The following MDM4 variants were observed in gnomAD, a reference collection of about 807,000 sequenced individuals.
MDM4 encodes protein Mdm4.
A neutral mutation model predicts 60.2 loss-of-function variants in MDM4; 2 were observed. The ratio of observed to expected loss-of-function variants is 0.03; its 90% CI spans 0.01 to 0.10. The LOEUF (loss-of-function observed/expected upper bound fraction) is 0.10. Ranked by LOEUF, MDM4 falls within the 10% of genes least tolerant of loss-of-function variation. MDM4 has a pLI of 1.00. For missense variants in MDM4, 447 were observed against 577.5 expected (o/e 0.77, Z 2.32); for synonymous variants, 202 against 198.1 (o/e 1.02, Z -0.17).
At chr1:204,544,294 T>C (rs1022503276) in intron 8 of MDM4, among the ~76,000 whole-genome samples, 2 of 152,260 alleles carry the variant, frequency 1.3e-5, no homozygotes, top group Admixed American at 1.3e-4. Context: ...TTAGGTGTTA[T>C]ACCTGATTTA....
chr1:204,527,041 T>A (rs954911079), intron 3 of MDM4, among the ~76,000 whole-genome samples: 1 of 151,430 alleles, frequency 6.6e-6, no homozygotes, highest in African/African-American at 2.4e-5. Flanking sequence ...ACGCCTGCAA[T>A]CCCAGTATTT....
At chr1:204,531,837 A>G (rs561201394) in intron 4 of MDM4, among the ~76,000 whole-genome samples, 2 of 152,222 alleles carry the variant, frequency 1.3e-5, no homozygotes, top group East Asian at 3.9e-4. Context: ...CGTCTCCAAA[A>G]AAAAAAGACT....
intron 1 of MDM4, among the ~76,000 whole-genome samples, chr1:204,518,971 G>A (rs563198287): frequency 2.0e-5 from 3 of 152,138 alleles, no homozygotes; most frequent in Non-Finnish European, 4.4e-5. Flanking sequence ...CTGGAATCTC[G>A]TGATGACTGT....
rs2102455684 is a variant in MDM4 at position 204,549,284 on chromosome 1, G to A, written c.1075G>A (p.Val359Ile). Residue 359 changes from valine (V) to isoleucine (I), a missense_variant, in exon 11 of 11, where the codon GTC becomes ATC. This residue lies in a region of MDM4 where 117 missense variants were observed against 114.5 expected (regional missense o/e 1.02). Transcript: ENST00000367182. ...TGAAAAGGAAAATGAAGGAAATGATGTCCCTGATTGTCGAAGAACCATTTC... is the reference window on the plus strand; with the variant it reads ...TGAAAAGGAAAATGAAGGAAATGATATCCCTGATTGTCGAAGAACCATTTC... ...IPEKENEGND[V>I]PDCRRTISAP... The A allele has an allele frequency of 4.3e-6, 7 of 1,614,170 alleles. No individual in the cohort carries two copies. The highest frequency in any genetic ancestry group is 1.1e-5 in the South Asian group (1 of 91,084).
At chr1:204,541,466 A>G (rs1308735214) in intron 7 of MDM4, among the ~76,000 whole-genome samples, 2 of 152,084 alleles carry the variant, frequency 1.3e-5, no homozygotes, top group East Asian at 1.9e-4. Flanking sequence ...CTGGGCAACA[A>G]AGTGGTGCCC....
At position 204,544,632 on chromosome 1, in the gene MDM4, C is replaced by T. The variant is rs1401673629; in HGVS notation, c.770C>T (p.Ala257Val). The T allele has an allele frequency of 2.5e-6, 4 of 1,613,600 alleles. No individual in the cohort carries two copies. Among genetic ancestry groups the T allele is most frequent in the Non-Finnish European group, 2.5e-6 (3 of 1,179,788 alleles). The change falls in exon 9 of 11, where the codon GCT (alanine) becomes GTT (valine). Residue 257 changes from alanine to valine, a missense_variant. This residue lies in a region of MDM4 where 184 missense variants were observed against 179.3 expected (regional missense o/e 1.03). Coordinates refer to ENST00000367182, the MANE Select transcript of MDM4 (RefSeq NM_002393.5). The stretch of plus-strand genomic sequence containing the variant: ...TTAGGTGTTGGAATAAAAGTTGAAG[C>T]TGCTGATACTGAACAAACAAGTGAA... Reference protein sequence around the residue: ...EQLGVGIKVEAADTEQTSEEV... With the variant: ...EQLGVGIKVEVADTEQTSEEV...
intron 1 of MDM4, among the ~76,000 whole-genome samples, chr1:204,521,952 T>A (rs1354947046): frequency 6.6e-6 from 1 of 152,098 alleles, no homozygotes; most frequent in East Asian, 1.9e-4. Flanking sequence ...GTTGGGAGTT[T>A]TAGTTTTAAA....
rs558792144 is a variant in MDM4, at chr1:204,544,401, G to T, written c.673-134G>T. The T allele has an allele frequency of 1.8e-5, 14 of 756,798 alleles. No individual in the cohort carries two copies. In the African/African-American group the frequency reaches 2.3e-4, roughly 12 times the overall value. The allele number at this position is 756,798 out of a possible 1,614,324, so 46.9% of individuals were successfully genotyped here. ...GTAGATATATGTTGAATGAATACAT[G>T]TCCACTGAATAAAGGCAAGATGTTC... On this transcript the variant is annotated intron_variant, in intron 8 of 10. Transcript: ENST00000367182.
At chr1:204,542,152 A>G (rs1662157726) in intron 7 of MDM4, among the ~76,000 whole-genome samples, 2 of 152,240 alleles carry the variant, frequency 1.3e-5, no homozygotes, top group Admixed American at 6.5e-5. Flanking sequence ...CCATTGATCC[A>G]GCGAGGGCAT....
intron 5 of MDM4, among the ~76,000 whole-genome samples, chr1:204,533,965 T>A (rs966087310): frequency 5.9e-5 from 9 of 152,014 alleles, no homozygotes; most frequent in Non-Finnish European, 1.3e-4. Flanking sequence ...TTTTGTTTTT[T>A]TGTAGAAATG....
chr1:204,527,413 C>T (rs539291502), intron 3 of MDM4, among the ~76,000 whole-genome samples: 3 of 151,886 alleles, frequency 2.0e-5, no homozygotes, highest in Admixed American at 1.3e-4. Context: ...CAGCACTTTG[C>T]GAGGCTGAGG....
rs1005561377 is a variant in MDM4, at chr1:204,520,150, G to C, written c.-36+3641G>C. ...AAATTAGCCAGGCGAGGTGGTGGAC[G>C]CCTGTAGTCCCAGCTACGCGGGAGG... On this transcript the variant is annotated intron_variant, in intron 1 of 10. Coordinates refer to ENST00000367182, the MANE Select transcript of MDM4 (RefSeq NM_002393.5). 2.0e-5 allele frequency among the ~76,000 whole-genome samples: 3 copies of C among 152,126 alleles called. 1 individual carries two copies. The East Asian group carries it at 5.8e-4, about 29-fold the overall frequency.
In MDM4 at chr1:204,549,246, T is replaced by C. The variant is rs2102455101; in HGVS notation, c.1037T>C (p.Ile346Thr). Residue 346 changes from isoleucine to threonine, a missense_variant, in exon 11 of 11, where the codon ATC (isoleucine) becomes ACC (threonine). Ile to Thr is a moderately conservative substitution (Grantham distance 89). Around this residue, in one of 8 missense-constraint regions of MDM4, gnomAD observed 117 missense variants for 114.5 expected, o/e 1.02. Transcript: ENST00000367182. ...ACCCATTCTCTCTCCACGTCTGATATCACTGCCATACCTGAAAAGGAAAAT... is the reference window on the plus strand; with the variant it reads ...ACCCATTCTCTCTCCACGTCTGATACCACTGCCATACCTGAAAAGGAAAAT... Reference protein sequence around the residue: ...KLTHSLSTSDITAIPEKENEG... With the variant: ...KLTHSLSTSDTTAIPEKENEG... 3 of 1,614,172 alleles carry C rather than the reference T, an allele frequency of 1.9e-6. No individual in the cohort carries two copies. Among genetic ancestry groups the C allele is most frequent in the Non-Finnish European group, 1.7e-6 (2 of 1,180,000 alleles).
At position 204,553,505 on chromosome 1, in the gene MDM4, G is replaced by A. The variant is rs1663364556; in HGVS notation, c.*3823G>A. The A allele has an allele frequency of 1.3e-5, 3 of 226,602 alleles. No homozygotes were observed. In the South Asian group the frequency reaches 5.5e-4, roughly 41 times the overall value. 14.0% of individuals were successfully genotyped at this position (226,602 alleles called of 1,614,324 possible). A position where few individuals can be genotyped will look rare whatever the true frequency, so the allele number is the denominator to read the frequency against. ...CTAGTTATAGGTAAGCCTTGTTCGA[G>A]TTGATATCTTGATTGTGAGGAAGGA... is the stretch of plus-strand genomic sequence containing the variant. On this transcript the variant is annotated 3_prime_UTR_variant, in exon 11 of 11. Coordinates refer to ENST00000367182, the MANE Select transcript of MDM4 (RefSeq NM_002393.5).
chr1:204,541,306 C>T (rs541761432), intron 7 of MDM4, among the ~76,000 whole-genome samples: 4 of 152,110 alleles, frequency 2.6e-5, no homozygotes, highest in African/African-American at 9.6e-5. Flanking sequence ...AAAAAATCAG[C>T]CCAGTAGAAA....
intron 3 of MDM4, chr1:204,528,979 GCTGT>G: frequency 6.5e-7 from 1 of 1,540,004 alleles, no homozygotes. Context: ...AAGCAATCAA[GCTGT>G]CTGGCAGGAT....
At chr1:204,546,394 G>T (rs919418557) in intron 9 of MDM4, among the ~76,000 whole-genome samples, 6 of 151,974 alleles carry the variant, frequency 3.9e-5, no homozygotes, top group African/African-American at 1.5e-4. Context: ...GCAGAGACAG[G>T]GTCTTGCTCT....
rs1231969976 is a variant in MDM4, at chr1:204,555,763, G to T, written c.*6081G>T. 2.3e-5 allele frequency: 4 copies of T among 175,658 alleles called. No individual in the cohort carries two copies. The highest frequency in any genetic ancestry group is 9.8e-5 in the East Asian group (1 of 10,162). The allele number at this position is 175,658 out of a possible 1,614,324, so 10.9% of individuals were successfully genotyped here. On this transcript the variant is annotated 3_prime_UTR_variant, in exon 11 of 11. Coordinates refer to ENST00000367182, the MANE Select transcript of MDM4 (RefSeq NM_002393.5). Reference sequence around the variant, plus strand: ...ACCTGTAGTCCCAGCTACTTGGCAGGTTGAGACAGGAGAATCGCTTGAACC... The same window carrying T: ...ACCTGTAGTCCCAGCTACTTGGCAGTTTGAGACAGGAGAATCGCTTGAACC...
intron 5 of MDM4, among the ~76,000 whole-genome samples, chr1:204,536,276 C>T (rs1325090608): frequency 6.6e-6 from 1 of 152,192 alleles, no homozygotes; most frequent in African/African-American, 2.4e-5. Flanking sequence ...ATTGCTCCAT[C>T]TGCATTATAT....
Sources: allele counts gnomAD v4.1 joint callset (sites outside exome capture counted in the v4.1 genomes callset), GRCh38; gene constraint gnomAD v4.1.1; regional missense constraint gnomAD v4.1.1; transcripts MANE v1.5; gene names NCBI Gene and HGNC (gene_info 2026-07-23, HGNC 2026-07-21).